The following SLC9A4 variants were observed in gnomAD, a reference collection of about 807,000 sequenced individuals.
SLC9A4 encodes the protein solute carrier family 9 member A4.
SLC9A4 carries 63 observed loss-of-function variants against 67.4 expected under a neutral mutation model. That is an observed-to-expected ratio of 0.93 (90% CI 0.76 to 1.15). SLC9A4 has a LOEUF of 1.15. Ranked by LOEUF, SLC9A4 falls within the 50% of genes most tolerant of loss-of-function variation. The pLI, the probability that SLC9A4 is intolerant of heterozygous loss-of-function variation, is 0.00. For synonymous variants in SLC9A4, 393 were observed against 367.2 expected (o/e 1.07, Z -0.80); for missense variants, 1,089 against 987.7 (o/e 1.10, Z -1.38).
chr2:102,485,725 A>G (rs1684574843), intron 2 of SLC9A4, among the ~76,000 whole-genome samples: 3 of 152,198 alleles, frequency 2.0e-5, no homozygotes, highest in African/African-American at 7.2e-5. Context: ...GGCAGGGGCC[A>G]TGTTGGCCCT....
chr2:102,523,117 C>T (rs1357694971), intron 9 of SLC9A4, among the ~76,000 whole-genome samples: 1 of 141,004 alleles, frequency 7.1e-6, no homozygotes, highest in Non-Finnish European at 1.5e-5. Context: ...CGCAGGTTCA[C>T]ACCACCACAC....
At chr2:102,524,789 G>C (rs1288356376) in intron 9 of SLC9A4, among the ~76,000 whole-genome samples, 1 of 152,218 alleles carries the variant, frequency 6.6e-6, no homozygotes, top group Non-Finnish European at 1.5e-5. Context: ...GTAAGGGTTA[G>C]AGCAGAAGGC....
At chr2:102,498,290 A>C (rs545824318) in intron 2 of SLC9A4, among the ~76,000 whole-genome samples, 4 of 152,348 alleles carry the variant, frequency 2.6e-5, no homozygotes, top group Non-Finnish European at 5.9e-5. Context: ...CAGTCTTCTT[A>C]ATTATATGTA....
chr2:102,493,547 G>A (rs1280913952), intron 2 of SLC9A4, among the ~76,000 whole-genome samples: 1 of 151,698 alleles, frequency 6.6e-6, no homozygotes, highest in Non-Finnish European at 1.5e-5. Context: ...AAGACAGCAT[G>A]GAGGTAACCA....
chr2:102,522,037 G>T (rs1428050562), intron 9 of SLC9A4, among the ~76,000 whole-genome samples: 1 of 152,108 alleles, frequency 6.6e-6, no homozygotes, highest in Non-Finnish European at 1.5e-5. Context: ...AAAACTTAAG[G>T]GACTCACCTC....
At chr2:102,518,907 T>C (rs1685335538) in intron 8 of SLC9A4, among the ~76,000 whole-genome samples, 3 of 152,164 alleles carry the variant, frequency 2.0e-5, no homozygotes, top group African/African-American at 7.2e-5. Flanking sequence ...TATCAAGATG[T>C]TAAGGAAGGT....
intron 11 of SLC9A4, among the ~76,000 whole-genome samples, chr2:102,532,010 G>A (rs184124802): frequency 1.3e-5 from 2 of 152,298 alleles, no homozygotes; most frequent in Admixed American, 1.3e-4. Flanking sequence ...GCATCTTTGT[G>A]TCCCATGGTT....
intron 11 of SLC9A4, among the ~76,000 whole-genome samples, chr2:102,530,140 G>T (rs991881151): frequency 6.6e-6 from 1 of 152,186 alleles, no homozygotes; most frequent in African/African-American, 2.4e-5. Flanking sequence ...ATGTGGAGGT[G>T]GGGAGTGTTG....
rs769433442 is a variant in SLC9A4, at chr2:102,503,522, TG to T, written c.797del (p.Gly266AspfsTer50). ...ACATAGAAACTGTCGACATTTTGGC[TG>T]GATGTGCCCGATTCATCGTTGTGGG... is the stretch of plus-strand genomic sequence containing the variant. ...EDIETVDILA[G>X]CARFIVVGLG... On this transcript the variant is annotated frameshift_variant, in exon 3 of 12. Transcript: ENST00000295269. LOFTEE classifies it high-confidence loss of function. 4 of 1,614,236 alleles carry T rather than the reference TG, an allele frequency of 2.5e-6. No individual in the cohort carries two copies. Among genetic ancestry groups the T allele is most frequent in the South Asian group, 1.1e-5 (1 of 91,082 alleles).
At chr2:102,506,880 A>G (rs1685061906) in intron 4 of SLC9A4, among the ~76,000 whole-genome samples, 1 of 152,146 alleles carries the variant, frequency 6.6e-6, no homozygotes, top group South Asian at 2.1e-4. Flanking sequence ...AAAAACCACC[A>G]AAACAGTGAC....
intron 6 of SLC9A4, among the ~76,000 whole-genome samples, chr2:102,509,872 G>C (rs1390585657): frequency 6.6e-6 from 1 of 152,174 alleles, no homozygotes; most frequent in South Asian, 2.1e-4. Flanking sequence ...AAAAAAAGGA[G>C]TCATCGATAC....
At position 102,525,088 on chromosome 2, in the gene SLC9A4, T is replaced by A. The variant is rs567637902; in HGVS notation, c.1883T>A (p.Leu628Gln). The A allele has an allele frequency of 2.5e-5, 41 of 1,614,096 alleles. No individual in the cohort carries two copies. The South Asian group carries it at 4.4e-4, about 17-fold the overall frequency. ...QTSEKQAKEI[L>Q]IRRQNTLRES... ...AGTGAGAAGCAGGCTAAAGAGATTC[T>A]GATCCGCCGCCAGAACACCTTAAGG... The change falls in exon 10 of 12, where the codon CTG (leucine) becomes CAG (glutamine). Residue 628 changes from leucine to glutamine, a missense_variant. Coordinates refer to ENST00000295269, the MANE Select transcript of SLC9A4 (RefSeq NM_001011552.4).
intron 2 of SLC9A4, among the ~76,000 whole-genome samples, chr2:102,494,138 C>T (rs867500209): frequency 3.3e-5 from 5 of 151,962 alleles, no homozygotes; most frequent in Middle Eastern, 6.8e-3. Context: ...CTATCAGTGT[C>T]ATATGAATCC....
intron 2 of SLC9A4, among the ~76,000 whole-genome samples, chr2:102,483,669 A>G (rs1684514332): frequency 6.6e-6 from 1 of 151,876 alleles, no homozygotes; most frequent in South Asian, 2.1e-4. Context: ...GCTTAATGGT[A>G]GGCAAAAGGA....
intron 6 of SLC9A4, among the ~76,000 whole-genome samples, chr2:102,511,685 A>G (rs1685165017): frequency 6.6e-6 from 1 of 152,086 alleles, no homozygotes; most frequent in Non-Finnish European, 1.5e-5. Context: ...AATTACTCAG[A>G]TCAAACGAGC....
chr2:102,505,214 A>G, intron 3 of SLC9A4, 40 bp from the exon 4 acceptor site: 7 of 1,590,814 alleles, frequency 4.4e-6, no homozygotes, highest in Non-Finnish European at 5.1e-6. Flanking sequence ...GGAGGGGGAA[A>G]ACCTCATGGA....
At position 102,508,225 on chromosome 2, in the gene SLC9A4, A is replaced by G; in HGVS notation, c.1345A>G (p.Lys449Glu). The change falls in exon 5 of 12, where the codon AAG becomes GAG. Residue 449 changes from lysine (K) to glutamate (E), a missense_variant. Coordinates refer to ENST00000295269, the MANE Select transcript of SLC9A4 (RefSeq NM_001011552.4). ...FLLPLSLFPR[K>E]KMFVTATLVV... is the part of the protein sequence containing the mutation. ...GCTTCCTCTGTCTCTTTTTCCTAGG[A>G]AGAAAATGTTTGTCACTGCTACTCT... is the stretch of plus-strand genomic sequence containing the variant. The G allele has an allele frequency of 1.9e-6, 3 of 1,614,156 alleles. No individual in the cohort carries two copies. The highest frequency in any genetic ancestry group is 2.5e-6 in the Non-Finnish European group (3 of 1,180,032).
In SLC9A4 at chr2:102,478,997, G is replaced by A. The variant is rs764521439; in HGVS notation, c.415G>A (p.Val139Ile). ...CTTCCTGTATCTCCTGCCACCCATC[G>A]TTCTGGAGGGCGGCTACTTCATGCC... ...IYFLYLLPPI[V>I]LEGGYFMPTR... Residue 139 changes from valine to isoleucine, a missense_variant, in exon 2 of 12, where the codon GTT becomes ATT. Physicochemically the swap from Val to Ile is conservative, Grantham distance 29. Coordinates refer to ENST00000295269, the MANE Select transcript of SLC9A4 (RefSeq NM_001011552.4). The A allele has an allele frequency of 1.2e-6, 2 of 1,614,112 alleles. No individual in the cohort carries two copies. Among genetic ancestry groups the A allele is most frequent in the South Asian group, 1.1e-5 (1 of 91,086 alleles).
At chr2:102,505,596 T>A in intron 4 of SLC9A4, 125 bp downstream of exon 4, 1 of 862,868 alleles carries the variant, frequency 1.2e-6, no homozygotes, top group Non-Finnish European at 1.7e-6. Flanking sequence ...TAGGGTAGAC[T>A]AGGAACCTGG....
Sources: gnomAD v4.1 joint callset for allele counts (sites outside exome capture counted in the v4.1 genomes callset) on GRCh38, gnomAD v4.1.1 for gene constraint, MANE v1.5 for transcripts, NCBI Gene and HGNC (gene_info 2026-07-23, HGNC 2026-07-21) for gene names.